Variants in GFM2 observed in about 807,000 individuals in gnomAD.
GFM2 encodes the protein ribosome-releasing factor 2, mitochondrial.
A neutral mutation model predicts 95.4 loss-of-function variants in GFM2; 72 were observed. The ratio of observed to expected loss-of-function variants is 0.76; its 90% confidence interval spans 0.62 to 0.92. The LOEUF (loss-of-function observed/expected upper bound fraction) is 0.92, where lower values mean the gene tolerates loss of function less well. Among genes scored for constraint, GFM2 ranks in the 40% least tolerant of loss-of-function variants. The probability of loss-of-function intolerance (pLI) is 0.00; values close to 1 mark genes in which losing one functional copy is unlikely to be tolerated. For missense variants in GFM2, 825 were observed against 924.1 expected, an observed-to-expected ratio of 0.89 and a Z score of 1.39; for synonymous variants, 276 against 317.5, an observed-to-expected ratio of 0.87 and a Z score of 1.39.
Position 74,725,948 on chromosome 5 carries a change from A to G in GFM2, c.1905T>C (p.Cys635=), listed in dbSNP as rs1368825267. 2 of 1,609,354 alleles carry G rather than the reference A, an allele frequency of 1.2e-6. No homozygotes were observed. Among genetic ancestry groups the G allele is most frequent in the African/African-American group, 2.7e-5 (2 of 74,494 alleles). ...CTCATTTGAGTGTCTTACCTTGGAG[A>G]CATGCGCTGTGAATTCCATTTTCAA... The part of the protein sequence containing the change: ...EAIENGIHSA[C]LQGPLLGSPI... The change falls in exon 18 of 21, where the codon TGT becomes TGC. Residue 635 remains cysteine (C), a synonymous_variant. Coordinates refer to ENST00000296805, the MANE Select transcript of GFM2 (RefSeq NM_032380.5).
At chr5:74,754,848 G>A (rs1232076127) in intron 5 of GFM2, among the ~76,000 whole-genome samples, 1 of 152,202 alleles carries the variant, frequency 6.6e-6, no homozygotes, top group East Asian at 1.9e-4. Context: ...AGGCGCAGTG[G>A]CTCATGCATG....
chr5:74,736,956 G>C lies in GFM2; in HGVS notation c.1350C>G (p.Ser450=), dbSNP rs751953652. 1.3e-5 allele frequency: 21 copies of C among 1,613,608 alleles called. No individual in the cohort carries two copies. Among genetic ancestry groups the C allele is most frequent in the Admixed American group, 3.3e-5 (2 of 59,954 alleles). ...GAGCTGCAGCTAATGCACTGGACTT[G>C]GATGAGACAATGGTGTCTCCAGTGG... ...HTATGDTIVS[S]KSSALAAARR... Residue 450 remains serine, a synonymous_variant, in exon 15 of 21, where the codon TCC becomes TCG. Transcript: ENST00000296805.
At chr5:74,748,753 T>C (rs1743519500) in intron 7 of GFM2, among the ~76,000 whole-genome samples, 1 of 151,254 alleles carries the variant, frequency 6.6e-6, no homozygotes, top group African/African-American at 2.4e-5. Context: ...TAGTCCCAGA[T>C]ACTCGGGAAG....
In GFM2 at chr5:74,721,556, CAG is replaced by C. The variant is rs1479368661; in HGVS notation, c.*97_*98del. 74 of 1,262,046 alleles carry C rather than the reference CAG, an allele frequency of 5.9e-5. 1 individual carries two copies. In the Middle Eastern group the frequency reaches 9.5e-4, roughly 16 times the overall value. The allele number at this position is 1,262,046 out of a possible 1,614,324, so 78.2% of individuals were successfully genotyped here. A position where few individuals can be genotyped will look rare whatever the true frequency, so the allele number is the denominator to read the frequency against. On this transcript the variant is annotated 3_prime_UTR_variant, in exon 21 of 21. Coordinates refer to ENST00000296805, the MANE Select transcript of GFM2 (RefSeq NM_032380.5). ...ATCTAGTTCTCTGAATGTACTGAAA[CAG>C]TACTTTATTCGTCCAATAAATAAAG...
At chr5:74,739,429 A>C (rs972500727) in intron 12 of GFM2, among the ~76,000 whole-genome samples, 3 of 152,172 alleles carry the variant, frequency 2.0e-5, no homozygotes, top group African/African-American at 7.2e-5. Flanking sequence ...TAGGATTTAA[A>C]TCCAATAGTA....
chr5:74,722,385 T>A lies in GFM2; in HGVS notation c.2205A>T (p.Glu735Asp), dbSNP rs1749940717. The A allele has an allele frequency of 6.2e-7, 1 of 1,613,186 alleles. No homozygotes were observed. Among genetic ancestry groups the A allele is most frequent in the Non-Finnish European group, 8.5e-7 (1 of 1,179,574 alleles). Residue 735 changes from glutamate to aspartate, a missense_variant, in exon 20 of 21, where the codon GAA becomes GAT. By Grantham distance (45) the Glu-to-Asp change is conservative (BLOSUM62 2). Transcript: ENST00000296805. ...KVVIGFVPLA[E>D]IMGYSTVLRT... ...TCAGTTACAAAGTACCTACCATAAT[T>A]TCTGCTAAGGGAACAAATCCAATAA... is the stretch of plus-strand genomic sequence containing the variant.
At chr5:74,738,256 T>A in intron 14 of GFM2, 62 bp downstream of exon 14, 1 of 1,256,958 alleles carries the variant, frequency 8.0e-7, no homozygotes, top group South Asian at 1.3e-5. Context: ...ATATTACAAG[T>A]TGCTTACTTG....
rs374698121 is a variant in GFM2, at chr5:74,741,580, G to C, written c.879C>G (p.Asp293Glu). 1.3e-6 allele frequency: 2 copies of C among 1,589,606 alleles called. No individual in the cohort carries two copies. Among genetic ancestry groups the C allele is most frequent in the African/African-American group, 2.7e-5 (2 of 74,150 alleles). ...TCTCACTAAATTCTTCTAAAACCAA[G>C]TCAGCAAATTCATCATCCAAATCTG... ...QVADLDDEFA[D>E]LVLEEFSENF... The change falls in exon 11 of 21, where the codon GAC (aspartate) becomes GAG (glutamate). Residue 293 changes from aspartate (D) to glutamate (E), a missense_variant. Asp to Glu is a conservative substitution (Grantham distance 45). Coordinates refer to ENST00000296805, the MANE Select transcript of GFM2 (RefSeq NM_032380.5).
chr5:74,726,177 C>A (rs758363436), intron 17 of GFM2, 51 bp from the exon 18 acceptor site: 2 of 1,417,298 alleles, frequency 1.4e-6, no homozygotes, highest in Non-Finnish European at 1.9e-6. Context: ...GGAAAGGTAT[C>A]AAGGTACTAT....
intron 5 of GFM2, among the ~76,000 whole-genome samples, chr5:74,758,228 C>T (rs973130006): frequency 6.6e-6 from 1 of 152,128 alleles, no homozygotes; most frequent in Non-Finnish European, 1.5e-5. Context: ...ATGTCAACTA[C>T]ATTCCTAGGC....
chr5:74,753,726 G>T (rs1191893595), intron 5 of GFM2, among the ~76,000 whole-genome samples: 1 of 152,188 alleles, frequency 6.6e-6, no homozygotes, highest in African/African-American at 2.4e-5. Flanking sequence ...TATGTGAAAT[G>T]AGCAAACCTA....
chr5:74,726,090 A>G lies in GFM2; in HGVS notation c.1763T>C (p.Leu588Pro). Reference sequence around the variant, plus strand: ...CCTTGCTTCCACTTCTACAGTCACAAGATGCCTTTTGTCTCCTAAAGTTCT... The same window carrying G: ...CCTTGCTTCCACTTCTACAGTCACAGGATGCCTTTTGTCTCCTAAAGTTCT... ...LDRTLGDKRH[L>P]VTVEVEARPI... The change falls in exon 18 of 21, where the codon CTT becomes CCT. Residue 588 changes from leucine to proline, a missense_variant. By Grantham distance (98) the Leu-to-Pro change is moderately conservative (BLOSUM62 -3). Transcript: ENST00000296805. 6.2e-7 allele frequency: 1 copy of G among 1,611,602 alleles called. No individual in the cohort carries two copies. Among genetic ancestry groups the G allele is most frequent in the Non-Finnish European group, 8.5e-7 (1 of 1,179,342 alleles).
At chr5:74,738,769 CTT>C (rs1742969413) in intron 12 of GFM2, 127 bp from the exon 13 acceptor site, 1 of 762,088 alleles carries the variant, frequency 1.3e-6, no homozygotes, top group Non-Finnish European at 2.0e-6. Flanking sequence ...TAAATAATGT[CTT>C]TGTTACGTAA....
intron 15 of GFM2, among the ~76,000 whole-genome samples, chr5:74,734,576 G>A (rs985416051): frequency 6.6e-6 from 1 of 152,016 alleles, no homozygotes. Flanking sequence ...AGGTTAAGAG[G>A]CATTATTGTA....
At chr5:74,758,110 G>A (rs1464172739) in intron 5 of GFM2, among the ~76,000 whole-genome samples, 2 of 152,084 alleles carry the variant, frequency 1.3e-5, no homozygotes, top group East Asian at 3.8e-4. Context: ...CAATTTAAAA[G>A]ACAAAAGATA....
chr5:74,741,793 G>A, intron 10 of GFM2, 184 bp from the exon 11 acceptor site: 2 of 433,590 alleles, frequency 4.6e-6, no homozygotes, highest in Non-Finnish European at 8.3e-6. Flanking sequence ...GAAAAGAAAT[G>A]GAAAACTAAA....
intron 16 of GFM2, among the ~76,000 whole-genome samples, chr5:74,731,797 G>A (rs982881944): frequency 5.3e-5 from 8 of 152,044 alleles, no homozygotes; most frequent in Non-Finnish European, 1.2e-4. Context: ...ACATATGTTT[G>A]GGTAAAAAGT....
At chr5:74,732,380 G>A (rs1391737164) in intron 16 of GFM2, among the ~76,000 whole-genome samples, 8 of 151,834 alleles carry the variant, frequency 5.3e-5, no homozygotes, top group Admixed American at 4.6e-4. Context: ...TGCTTTTCCA[G>A]GTTAACTAAA....
intron 1 of GFM2, among the ~76,000 whole-genome samples, chr5:74,764,029 G>C (rs953676842): frequency 1.3e-5 from 2 of 152,138 alleles, no homozygotes; most frequent in Non-Finnish European, 2.9e-5. Context: ...CGATACAGTA[G>C]AAATCAACTT....
Sources: gnomAD v4.1 joint callset for allele counts (sites outside exome capture counted in the v4.1 genomes callset) on GRCh38, gnomAD v4.1.1 for gene constraint, MANE v1.5 for transcripts, NCBI Gene and HGNC (gene_info 2026-07-23, HGNC 2026-07-21) for gene names.